The following PHACTR2 variants were observed in gnomAD, a reference collection of about 807,000 sequenced individuals.
PHACTR2 encodes chromosome 6 open reading frame 56.
In PHACTR2, 30 loss-of-function variants were observed where a neutral mutation model predicts 76.0. The observed-to-expected ratio is 0.39, with a 90% CI of 0.30 to 0.54. The LOEUF (loss-of-function observed/expected upper bound fraction) is 0.54, where lower values mean the gene tolerates loss of function less well. Ranked by LOEUF, PHACTR2 falls within the 20% of genes least tolerant of loss-of-function variation. The pLI, the probability that PHACTR2 is intolerant of heterozygous loss-of-function variation, is 0.61. For synonymous variants in PHACTR2, 292 were observed against 292.5 expected (o/e 1.00, Z 0.02); for missense variants, 696 against 781.1 (o/e 0.89, Z 1.30).
intron 1 of PHACTR2, among the ~76,000 whole-genome samples, chr6:143,544,211 G>A (rs1015832137): frequency 2.8e-5 from 4 of 141,870 alleles, no homozygotes; most frequent in Admixed American, 7.0e-5. Flanking sequence ...GTGATAGTAG[G>A]TCATAAGACC....
chr6:143,762,419 C>T (rs950995060), intron 5 of PHACTR2, among the ~76,000 whole-genome samples: 12 of 152,256 alleles, frequency 7.9e-5, no homozygotes, highest in Admixed American at 5.9e-4. Context: ...GAGAATAGTA[C>T]AGTCATTTTA....
chr6:143,729,292 T>C (rs1321724522), intron 2 of PHACTR2, among the ~76,000 whole-genome samples: 1 of 152,186 alleles, frequency 6.6e-6, no homozygotes, highest in Non-Finnish European at 1.5e-5. Context: ...ACTCTGTAGA[T>C]TGTCTTTTCA....
chr6:143,728,946 A>T (rs1368081569), intron 2 of PHACTR2, among the ~76,000 whole-genome samples: 1 of 152,204 alleles, frequency 6.6e-6, no homozygotes, highest in Non-Finnish European at 1.5e-5. Flanking sequence ...TATGTCTAAG[A>T]CCTCAAAAGT....
chr6:143,753,562 C>T lies in PHACTR2; in HGVS notation c.296-192C>T, dbSNP rs1484611396. 6.6e-6 allele frequency among the ~76,000 whole-genome samples: 1 copy of T among 152,144 alleles called. No individual in the cohort carries two copies. The highest frequency in any genetic ancestry group is 1.5e-5 in the Non-Finnish European group (1 of 68,026). On this transcript the variant is annotated intron_variant, in intron 3 of 12. Coordinates refer to ENST00000440869, the MANE Select transcript of PHACTR2 (RefSeq NM_001100164.2). The surrounding 1 kb of genome is among the most constrained non-coding windows in gnomAD (Gnocchi z 4.6). Reference sequence around the variant, plus strand: ...TGAAATGGCGCATAGATATTCCCTCCATAGCAGCTTTTCCCCAAGACAGAG... The same window carrying T: ...TGAAATGGCGCATAGATATTCCCTCTATAGCAGCTTTTCCCCAAGACAGAG...
rs1776673334 is a variant in PHACTR2, at chr6:143,647,135, G to T, written c.13+38813G>T. 6.6e-6 allele frequency among the ~76,000 whole-genome samples: 1 copy of T among 152,106 alleles called. No individual in the cohort carries two copies. Among genetic ancestry groups the T allele is most frequent in the South Asian group, 2.1e-4 (1 of 4,824 alleles). ...CATTTTATGGTGCCGGGTTGCTGTT[G>T]ACCTACATTGATAATTGGAAATATT... On this transcript the variant is annotated intron_variant, in intron 1 of 11. Transcript: ENST00000305766. This position sits in a 1 kb window ranked among gnomAD's most constrained non-coding sequence, Gnocchi z 4.2.
In PHACTR2 at chr6:143,537,257, G is replaced by C. The variant is rs1199538103; in HGVS notation, c.217+50G>C. 1.1e-5 allele frequency: 2 copies of C among 182,470 alleles called. No homozygotes were observed. Among genetic ancestry groups the C allele is most frequent in the Non-Finnish European group, 2.2e-5 (2 of 89,922 alleles). 11.3% of individuals were successfully genotyped at this position (182,470 alleles called of 1,614,324 possible). A position where few individuals can be genotyped will look rare whatever the true frequency, so the allele number is the denominator to read the frequency against. ...CGGGGAGGGCCGGCCGCGGGCAGGT[G>C]GCCGCGAGGGCGACGCGGCCAACCC... On this transcript the variant is annotated intron_variant, in intron 1 of 11. Coordinates refer to the PHACTR2 transcript ENST00000367584. The surrounding 1 kb of genome is among the most constrained non-coding windows in gnomAD (Gnocchi z 4.4).
rs537492644 is a variant in PHACTR2, at chr6:143,767,829, T to TTTTTG, written c.1232+2051_1232+2055dup. Among the ~76,000 whole-genome samples, 887 of 151,980 alleles carry TTTTTG rather than the reference T, an allele frequency of 5.8e-3. 12 individuals carry two copies. Among genetic ancestry groups the TTTTTG allele is most frequent in the African/African-American group, 0.02 (826 of 41,480 alleles). ...AACACTTTCACACTGAGGATGAAGGTTTTTGTTTTGTTTTGTTTTGTTTTT... is the reference window on the plus strand; with the variant it reads ...AACACTTTCACACTGAGGATGAAGGTTTTTGTTTTGTTTTGTTTTGTTTTGTTTTT... On this transcript the variant is annotated intron_variant, in intron 6 of 12. Coordinates refer to ENST00000440869, the MANE Select transcript of PHACTR2 (RefSeq NM_001100164.2). This position sits in a 1 kb window ranked among gnomAD's most constrained non-coding sequence, Gnocchi z 4.4.
chr6:143,703,078 G>A (rs1457412750), intron 1 of PHACTR2, among the ~76,000 whole-genome samples: 2 of 150,282 alleles, frequency 1.3e-5, no homozygotes, highest in Non-Finnish European at 3.0e-5. Context: ...GGAGGCCCAG[G>A]CAGGTGGATC....
At chr6:143,687,440 C>T (rs984582795) in intron 1 of PHACTR2, among the ~76,000 whole-genome samples, 1 of 152,104 alleles carries the variant, frequency 6.6e-6, no homozygotes, top group African/African-American at 2.4e-5. Context: ...AGTCTCTATT[C>T]TTGGGAGAAA....
chr6:143,675,510 A>G (rs1777230819), upstream of PHACTR2, among the ~76,000 whole-genome samples: 1 of 152,222 alleles, frequency 6.6e-6, no homozygotes, highest in African/African-American at 2.4e-5. This position sits in a 1 kb window ranked among gnomAD's most constrained non-coding sequence, Gnocchi z 4.9. Context: ...TTTACATCAC[A>G]GTAAACAAAG....
Position 143,710,363 on chromosome 6 carries a change from T to G in PHACTR2, c.47-1653T>G, listed in dbSNP as rs1054356557. ...CATTTTTATGTAACACCCGTGGTTG[T>G]TTTTTTTAGTTGTATTTAGCCAGAG... On this transcript the variant is annotated intron_variant, in intron 1 of 12. Coordinates refer to ENST00000440869, the MANE Select transcript of PHACTR2 (RefSeq NM_001100164.2). This position sits in a 1 kb window ranked among gnomAD's most constrained non-coding sequence, Gnocchi z 4.9. Among the ~76,000 whole-genome samples, 1 of 151,960 alleles carries G rather than the reference T, an allele frequency of 6.6e-6. No individual in the cohort carries two copies. The highest frequency in any genetic ancestry group is 2.4e-5 in the African/African-American group (1 of 41,378).
At position 143,828,771 on chromosome 6, in the gene PHACTR2, A is replaced by G. The variant is rs540231959; in HGVS notation, c.*5082A>G. 1.2e-4 allele frequency: 18 copies of G among 152,314 alleles called. No homozygotes were observed. The highest frequency in any genetic ancestry group is 2.2e-4 in the Non-Finnish European group (15 of 68,036). The allele number at this position is 152,314 out of a possible 1,614,324, so 9.4% of individuals were successfully genotyped here. A position where few individuals can be genotyped will look rare whatever the true frequency, so the allele number is the denominator to read the frequency against. On this transcript the variant is annotated 3_prime_UTR_variant, in exon 13 of 13. Transcript: ENST00000440869. This position sits in a 1 kb window ranked among gnomAD's most constrained non-coding sequence, Gnocchi z 4.7. ...AGCTGGATAGGTCTTTGCTGTACAG[A>G]ATCATCCCATGCATTGCCAGATGTT...
chr6:143,681,685 CTG>C (rs1562268146), intron 1 of PHACTR2, among the ~76,000 whole-genome samples: 1 of 152,200 alleles, frequency 6.6e-6, no homozygotes, highest in Non-Finnish European at 1.5e-5. Flanking sequence ...AGACTTACAC[CTG>C]TGTTTTCTTC....
upstream of PHACTR2, chr6:143,677,916 TC>T (rs1562266671): frequency 4.3e-6 from 3 of 693,120 alleles, no homozygotes; most frequent in Non-Finnish European, 3.6e-6. Flanking sequence ...CCCCCCTTCT[TC>T]CCCCGTGACC....
intron 2 of PHACTR2, among the ~76,000 whole-genome samples, chr6:143,736,740 AT>A (rs1407210258): frequency 6.0e-5 from 9 of 151,090 alleles, no homozygotes; most frequent in Non-Finnish European, 8.9e-5. Flanking sequence ...TGCCCGGCTA[AT>A]TTTTTTGTAT....
rs116376727 is a variant in PHACTR2, at chr6:143,819,994, G to A, written c.1923-3680G>A. 6.6e-6 allele frequency among the ~76,000 whole-genome samples: 1 copy of A among 152,166 alleles called. No homozygotes were observed. Among genetic ancestry groups the A allele is most frequent in the Non-Finnish European group, 1.5e-5 (1 of 68,028 alleles). ...CCTCCAATCACGGCAGAAAGCGAAG[G>A]GGGAGCAGGCACATCACATGGCAAG... On this transcript the variant is annotated intron_variant, in intron 12 of 12. Transcript: ENST00000440869. This position sits in a 1 kb window ranked among gnomAD's most constrained non-coding sequence, Gnocchi z 5.0.
In PHACTR2 at chr6:143,654,483, C is replaced by T. The variant is rs1255185881; in HGVS notation, c.13+46161C>T. ...AATTCGTAAATAAAATATACTATAT[C>T]CACTCAATAGAATATTATTTGCCAA... On this transcript the variant is annotated intron_variant, in intron 1 of 11. Coordinates refer to the PHACTR2 transcript ENST00000305766. The surrounding 1 kb of genome is among the most constrained non-coding windows in gnomAD (Gnocchi z 4.6). Among the ~76,000 whole-genome samples, 1 of 151,986 alleles carries T rather than the reference C, an allele frequency of 6.6e-6. No homozygotes were observed. Among genetic ancestry groups the T allele is most frequent in the Non-Finnish European group, 1.5e-5 (1 of 68,014 alleles).
rs1389403121 is a variant in PHACTR2 at position 143,624,704 on chromosome 6, A to G, written c.13+16382A>G. 2.0e-5 allele frequency among the ~76,000 whole-genome samples: 3 copies of G among 152,078 alleles called. No homozygotes were observed. Among genetic ancestry groups the G allele is most frequent in the African/African-American group, 7.2e-5 (3 of 41,420 alleles). On this transcript the variant is annotated intron_variant, in intron 1 of 11. Coordinates refer to the PHACTR2 transcript ENST00000305766. The surrounding 1 kb of genome is among the most constrained non-coding windows in gnomAD (Gnocchi z 4.6). Reference sequence around the variant, plus strand: ...TGAGGAGCTCCAGGCCTAAAGCTGGAACCCCACGGTTGCCCTGGATCAGCT... The same window carrying G: ...TGAGGAGCTCCAGGCCTAAAGCTGGGACCCCACGGTTGCCCTGGATCAGCT...
At chr6:143,703,122 A>G (rs1184314697) in intron 1 of PHACTR2, among the ~76,000 whole-genome samples, 1 of 150,112 alleles carries the variant, frequency 6.7e-6, no homozygotes, top group East Asian at 1.9e-4. Flanking sequence ...CAGCCTGGAC[A>G]ACATGGTAAA....
Sources: gnomAD v4.1 joint callset for allele counts (sites outside exome capture counted in the v4.1 genomes callset) on GRCh38, gnomAD v4.1.1 for gene constraint, Gnocchi (gnomAD v3.1) non-coding constraint, MANE v1.5 for transcripts, NCBI Gene and HGNC (gene_info 2026-07-23, HGNC 2026-07-21) for gene names.